SUSD1: variants seen among roughly 807,000 people sequenced by gnomAD.
SUSD1 encodes sushi domain containing 1, also known as sushi domain-containing protein 1.
SUSD1 carries 65 observed loss-of-function variants against 86.9 expected under a neutral mutation model. The observed-to-expected ratio is 0.75, with a 90% CI of 0.61 to 0.92. SUSD1 has a LOEUF of 0.92. Among genes scored for constraint, SUSD1 ranks in the 40% least tolerant of loss-of-function variants. SUSD1 has a pLI of 0.00. For missense variants in SUSD1, 850 were observed against 929.7 expected (o/e 0.91, Z 1.11); for synonymous variants, 346 against 350.0 (o/e 0.99, Z 0.13).
chr9:112,125,210 G>A (rs1831720505), intron 5 of SUSD1, among the ~76,000 whole-genome samples: 1 of 152,130 alleles, frequency 6.6e-6, no homozygotes, highest in African/African-American at 2.4e-5. Flanking sequence ...AGGTTTTACA[G>A]AAAACACCAA....
chr9:112,074,406 G>A (rs369122108), intron 12 of SUSD1, among the ~76,000 whole-genome samples: 87 of 152,180 alleles, frequency 5.7e-4, no homozygotes, highest in Admixed American at 1.3e-3. Context: ...CAGAAACACC[G>A]TGAGGCCACA....
At chr9:112,144,038 G>A (rs576981340) in intron 3 of SUSD1, among the ~76,000 whole-genome samples, 3 of 152,210 alleles carry the variant, frequency 2.0e-5, no homozygotes, top group Non-Finnish European at 2.9e-5. Flanking sequence ...TCAGGAGTTC[G>A]AGACCAGCCT....
intron 10 of SUSD1, among the ~76,000 whole-genome samples, chr9:112,085,750 G>A (rs114693566): frequency 0.013 from 1,937 of 152,266 alleles, 47 homozygotes; most frequent in African/African-American, 0.044. Context: ...AAGTTAGCAC[G>A]TAATATATTA....
At chr9:112,155,602 T>G (rs1044793137) in intron 2 of SUSD1, among the ~76,000 whole-genome samples, 2 of 152,000 alleles carry the variant, frequency 1.3e-5, no homozygotes, top group Non-Finnish European at 2.9e-5. Context: ...GGTTTTTTTG[T>G]TTGTTTGTTT....
At chr9:112,099,941 T>C (rs1830557388) in intron 9 of SUSD1, among the ~76,000 whole-genome samples, 1 of 152,186 alleles carries the variant, frequency 6.6e-6, no homozygotes, top group African/African-American at 2.4e-5. Context: ...TGCTATGAAC[T>C]TCCTTCACTC....
intron 8 of SUSD1, among the ~76,000 whole-genome samples, chr9:112,102,679 A>T (rs1830679806): frequency 6.6e-6 from 1 of 152,256 alleles, no homozygotes; most frequent in East Asian, 1.9e-4. Flanking sequence ...AGCAGTAGCC[A>T]GAAAGTCTGA....
chr9:112,052,998 T>A (rs1828286306), intron 14 of SUSD1, among the ~76,000 whole-genome samples: 1 of 152,184 alleles, frequency 6.6e-6, no homozygotes, highest in Non-Finnish European at 1.5e-5. Context: ...TTCAGTGGAA[T>A]GAATATCTCT....
chr9:112,053,513 C>CAA (rs56987871), intron 14 of SUSD1, among the ~76,000 whole-genome samples: 2,894 of 76,242 alleles, frequency 0.038, 236 homozygotes, highest in African/African-American at 0.11. Flanking sequence ...GACTTCGTCT[C>CAA]AAAAAAAAAA....
At chr9:112,117,798 G>A (rs557770584) in intron 6 of SUSD1, among the ~76,000 whole-genome samples, 5 of 152,304 alleles carry the variant, frequency 3.3e-5, no homozygotes, top group African/African-American at 9.6e-5. Flanking sequence ...CTGGTTGAAT[G>A]GATGGATAAA....
chr9:112,134,326 G>A (rs780208230), intron 5 of SUSD1, among the ~76,000 whole-genome samples: 3 of 152,186 alleles, frequency 2.0e-5, no homozygotes, highest in African/African-American at 4.8e-5. Context: ...ATGCCCATCA[G>A]TGGTGGATTG....
At chr9:112,108,556 T>C (rs1159937745) in intron 8 of SUSD1, among the ~76,000 whole-genome samples, 1 of 151,568 alleles carries the variant, frequency 6.6e-6, no homozygotes. Context: ...GGCAGGCATA[T>C]CAATTGAGCC....
At position 112,058,562 on chromosome 9, in the gene SUSD1, C is replaced by A. The variant is rs773143759; in HGVS notation, c.1975G>T (p.Ala659Ser). 6.2e-7 allele frequency: 1 copy of A among 1,613,988 alleles called. No homozygotes were observed. The highest frequency in any genetic ancestry group is 2.2e-5 in the East Asian group (1 of 44,894). ...ATGGCATCATCTGGAACATCTTTGG[C>A]CAGTAGTTCTGCAGCCACGTATCCA... ...ADGYVAAELL[A>S]KDVPDDAMEI... The change falls in exon 14 of 17, where the codon GCC becomes TCC. Residue 659 changes from alanine (A) to serine (S), a missense_variant. Coordinates refer to ENST00000374270, the MANE Select transcript of SUSD1 (RefSeq NM_022486.5).
chr9:112,065,790 A>G (rs931864015), intron 12 of SUSD1, among the ~76,000 whole-genome samples: 11 of 152,326 alleles, frequency 7.2e-5, no homozygotes, highest in African/African-American at 2.4e-4. Flanking sequence ...TCTACCTGTT[A>G]GGCCTGTTGA....
intron 12 of SUSD1, among the ~76,000 whole-genome samples, chr9:112,074,756 C>T (rs918527208): frequency 1.3e-5 from 2 of 151,502 alleles, no homozygotes; most frequent in Admixed American, 1.3e-4. Context: ...AACACATAAG[C>T]TTCTCTTTTT....
chr9:112,116,525 C>T (rs962078577), intron 6 of SUSD1, among the ~76,000 whole-genome samples: 5 of 152,224 alleles, frequency 3.3e-5, no homozygotes, highest in African/African-American at 4.8e-5. Flanking sequence ...CTCTTTCATT[C>T]CCTGCTCACT....
Position 112,175,222 on chromosome 9 carries a change from G to A in SUSD1, c.14C>T (p.Pro5Leu), listed in dbSNP as rs993063576. 7 of 1,154,796 alleles carry A rather than the reference G, an allele frequency of 6.1e-6. No homozygotes were observed. Among genetic ancestry groups the A allele is most frequent in the African/African-American group, 1.6e-5 (1 of 61,322 alleles). 71.5% of individuals were successfully genotyped at this position (1,154,796 alleles called of 1,614,324 possible). A position where few individuals can be genotyped will look rare whatever the true frequency, so the allele number is the denominator to read the frequency against. Residue 5 changes from proline (P) to leucine (L), a missense_variant, in exon 1 of 17, where the codon CCC becomes CTC. Pro to Leu is a moderately conservative substitution (Grantham distance 98, BLOSUM62 -3). Coordinates refer to ENST00000374270, the MANE Select transcript of SUSD1 (RefSeq NM_022486.5). The surrounding 1 kb of genome is among the most constrained non-coding windows in gnomAD (Gnocchi z 4.7). ...GCGGCGAGACGGGCCCGCATCCCAG[G>A]GCCCCCGGCCCATGCCGCCGCCGGT... MGRG[P>L]WDAGPSRRLL...
At chr9:112,137,528 C>T (rs918964387) in intron 5 of SUSD1, among the ~76,000 whole-genome samples, 3 of 152,136 alleles carry the variant, frequency 2.0e-5, no homozygotes. Flanking sequence ...ACATTTTAAT[C>T]TAAGTTCTGC....
At chr9:112,083,679 G>A (rs952889866) in intron 10 of SUSD1, among the ~76,000 whole-genome samples, 5 of 152,198 alleles carry the variant, frequency 3.3e-5, no homozygotes, top group African/African-American at 1.2e-4. Context: ...TTCACGGTCA[G>A]AATATAACAA....
In SUSD1 at chr9:112,102,289, A is replaced by G. The variant is rs1830664946; in HGVS notation, c.1172-4T>C. 2 of 1,509,348 alleles carry G rather than the reference A, an allele frequency of 1.3e-6. No individual in the cohort carries two copies. Among genetic ancestry groups the G allele is most frequent in the East Asian group, 4.6e-5 (2 of 43,562 alleles). 93.5% of individuals were successfully genotyped at this position (1,509,348 alleles called of 1,614,324 possible). On this transcript the variant is annotated splice_region_variant and splice_polypyrimidine_tract_variant and intron_variant, in intron 8 of 16. Coordinates refer to ENST00000374270, the MANE Select transcript of SUSD1 (RefSeq NM_022486.5). ...TCATCTTCTAAGAGATCAACTTCTA[A>G]AAGACAAGAGAGAGAGTTATAGACA...
Sources: allele counts gnomAD v4.1 joint callset (sites outside exome capture counted in the v4.1 genomes callset), GRCh38; gene constraint gnomAD v4.1.1; non-coding constraint Gnocchi (gnomAD v3.1); transcripts MANE v1.5; gene names NCBI Gene and HGNC (gene_info 2026-07-23, HGNC 2026-07-21).